The following NOS1 variants were observed in gnomAD, a reference collection of about 807,000 sequenced individuals.
The protein encoded by NOS1 is NOS type I.
In NOS1, 51 loss-of-function variants were observed where a neutral mutation model predicts 164.5. That is an observed-to-expected ratio of 0.31 (90% confidence interval 0.25 to 0.39). The LOEUF (loss-of-function observed/expected upper bound fraction) is 0.39, where lower values mean the gene tolerates loss of function less well. Among genes scored for constraint, NOS1 ranks in the 10% least tolerant of loss-of-function variants. NOS1 has a pLI of 1.00. For missense variants in NOS1, 1,362 were observed against 1,885.6 expected (o/e 0.72, Z 5.14); for synonymous variants, 719 against 745.8 (o/e 0.96, Z 0.59).
chr12:117,318,533 C>A (rs189866406), intron 2 of NOS1, among the ~76,000 whole-genome samples: 17 of 152,328 alleles, frequency 1.1e-4, no homozygotes, highest in Non-Finnish European at 2.2e-4. Flanking sequence ...GTTGCTCTTG[C>A]ATCTCTAAAC....
intron 22 of NOS1, among the ~76,000 whole-genome samples, chr12:117,230,950 T>C (rs1380684697): frequency 6.6e-6 from 1 of 152,102 alleles, no homozygotes; most frequent in Non-Finnish European, 1.5e-5. Flanking sequence ...GAAGGAGGGC[T>C]ACAAGATGCA....
rs568478335 is a variant in NOS1 at position 117,221,600 on chromosome 12, A to T, written c.3975+1115T>A. Among the ~76,000 whole-genome samples the T allele has an allele frequency of 3.3e-5, 5 of 149,684 alleles. No individual in the cohort carries two copies. The South Asian group carries it at 1.1e-3, about 32-fold the overall frequency. On this transcript the variant is annotated intron_variant, in intron 26 of 28. Transcript: ENST00000317775. ...CACCCGGCCTAAATTTGTTTTTTTT[A>T]ATTTCTGTTTTTAAATATTTTTAAT...
At chr12:117,288,252 G>T (rs761552085) in intron 4 of NOS1, 33 bp from the exon 5 acceptor site, 3 of 1,596,204 alleles carry the variant, frequency 1.9e-6, no homozygotes, top group Non-Finnish European at 2.6e-6. Flanking sequence ...GTATTGCTTG[G>T]TTTTACCCAA....
In NOS1 at chr12:117,286,245, C is replaced by T. The variant is rs868365618; in HGVS notation, c.1149G>A (p.Met383Ile). Residue 383 changes from methionine (M) to isoleucine (I), a missense_variant, in exon 6 of 29, where the codon ATG (methionine) becomes ATA (isoleucine). This residue lies in a region of NOS1 where 129 missense variants were observed against 186.0 expected (regional missense o/e 0.69). Transcript: ENST00000317775. Reference protein sequence around the residue: ...SIKRFGSKAHMERLEEVNKEI... With the variant: ...SIKRFGSKAHIERLEEVNKEI... ...CTTTGTTCACCTCTTCCAGCCTTTC[C>T]ATGTGGGCTTTGGAGCCAAATCTGA... The T allele has an allele frequency of 2.5e-6, 4 of 1,614,172 alleles. No homozygotes were observed. Among genetic ancestry groups the T allele is most frequent in the Non-Finnish European group, 3.4e-6 (4 of 1,180,036 alleles).
intron 2 of NOS1, among the ~76,000 whole-genome samples, chr12:117,327,707 A>G (rs1875324278): frequency 6.6e-6 from 1 of 152,222 alleles, no homozygotes; most frequent in African/African-American, 2.4e-5. Flanking sequence ...TATTCGGTCC[A>G]AGACTTTTGG....
chr12:117,265,424 G>A lies in NOS1; in HGVS notation c.2028C>T (p.Gly676=). ...HMENEYRCRG[G]CPADWVWIVP... The stretch of plus-strand genomic sequence containing the variant: ...CGATCCACACCCAGTCGGCAGGGCA[G>A]CCCCCCCGGCAGCGGTACTCATTCT... The change falls in exon 12 of 29, where the codon GGC becomes GGT. Residue 676 remains glycine (G), a synonymous_variant. Coordinates refer to ENST00000317775, the MANE Select transcript of NOS1 (RefSeq NM_000620.5). 6.3e-7 allele frequency: 1 copy of A among 1,592,242 alleles called. No individual in the cohort carries two copies. Among genetic ancestry groups the A allele is most frequent in the Non-Finnish European group, 8.5e-7 (1 of 1,169,864 alleles).
chr12:117,279,350 A>G (rs1873441213), intron 8 of NOS1, among the ~76,000 whole-genome samples: 1 of 152,102 alleles, frequency 6.6e-6, no homozygotes, highest in Admixed American at 6.5e-5. Context: ...GCCTGGCAAC[A>G]GAGTGAGACT....
intron 4 of NOS1, among the ~76,000 whole-genome samples, chr12:117,288,469 G>C (rs1872850508): frequency 6.6e-6 from 1 of 152,134 alleles, no homozygotes; most frequent in Non-Finnish European, 1.5e-5. Flanking sequence ...TTTTGACTAG[G>C]AATCAGAATC....
chr12:117,361,132 G>C (rs1367231129), intron 1 of NOS1, among the ~76,000 whole-genome samples: 1 of 152,066 alleles, frequency 6.6e-6, no homozygotes, highest in Non-Finnish European at 1.5e-5. Flanking sequence ...CTCACCTGAC[G>C]CCGAGCCGGG....
intron 20 of NOS1, among the ~76,000 whole-genome samples, chr12:117,235,588 A>G (rs1405853694): frequency 2.6e-5 from 4 of 152,196 alleles, no homozygotes; most frequent in Non-Finnish European, 1.5e-5. Flanking sequence ...ATATTACAAA[A>G]TTGAGAGATC....
chr12:117,229,742 C>T (rs772132211), intron 22 of NOS1, among the ~76,000 whole-genome samples: 7 of 152,176 alleles, frequency 4.6e-5, no homozygotes, highest in Non-Finnish European at 8.8e-5. Flanking sequence ...GTGCCCACCA[C>T]CACACCAAGC....
Position 117,209,304 on chromosome 12 carries a change from G to T in NOS1, c.*6005C>A, listed in dbSNP as rs899673371. On this transcript the variant is annotated 3_prime_UTR_variant, in exon 29 of 29. Coordinates refer to ENST00000317775, the MANE Select transcript of NOS1 (RefSeq NM_000620.5). ...AGGACACTGCTACAGGTATCTTGTG[G>T]ATGGAGGCCAGGAATGCTGCTCAGC... The T allele has an allele frequency of 2.2e-5, 21 of 955,650 alleles. 1 individual carries two copies. The highest frequency in any genetic ancestry group is 4.8e-5 in the South Asian group (1 of 20,716). The allele number at this position is 955,650 out of a possible 1,614,324, so 59.2% of individuals were successfully genotyped here. A position where few individuals can be genotyped will look rare whatever the true frequency, so the allele number is the denominator to read the frequency against.
intron 13 of NOS1, among the ~76,000 whole-genome samples, chr12:117,262,864 G>A (rs1872051280): frequency 6.6e-6 from 1 of 152,076 alleles, no homozygotes; most frequent in Admixed American, 6.6e-5. Context: ...GCATTCTTCA[G>A]GAAAATCACT....
intron 2 of NOS1, among the ~76,000 whole-genome samples, chr12:117,328,808 A>C (rs1249960017): frequency 6.6e-6 from 1 of 152,236 alleles, no homozygotes; most frequent in Non-Finnish European, 1.5e-5. Context: ...ACGGGGACAC[A>C]TTCTGTGAAA....
intron 16 of NOS1, among the ~76,000 whole-genome samples, chr12:117,256,909 TA>T (rs1326857809): frequency 6.6e-6 from 1 of 151,854 alleles, no homozygotes; most frequent in African/African-American, 2.4e-5. Flanking sequence ...CTGTCTCTAC[TA>T]AAAATACAAA....
intron 17 of NOS1, among the ~76,000 whole-genome samples, chr12:117,251,403 G>C (rs990448128): frequency 6.6e-6 from 1 of 152,020 alleles, no homozygotes; most frequent in East Asian, 1.9e-4. Context: ...TGAGGACCTA[G>C]ACTACAGTTA....
At chr12:117,348,014 T>G (rs1256029463) in intron 1 of NOS1, 2 of 137,880 alleles carry the variant, frequency 1.5e-5, no homozygotes, top group Non-Finnish European at 3.1e-5. Context: ...CCAGATCCCC[T>G]ACATTTTTTT....
chr12:117,263,861 C>A (rs760307170), intron 13 of NOS1, 28 bp downstream of exon 13: 6 of 1,580,468 alleles, frequency 3.8e-6, no homozygotes, highest in African/African-American at 1.3e-5. Flanking sequence ...GGGACATCCA[C>A]CCCACCCGCC....
chr12:117,293,456 A>C (rs543174096), intron 3 of NOS1, among the ~76,000 whole-genome samples: 2 of 151,002 alleles, frequency 1.3e-5, no homozygotes, highest in Non-Finnish European at 3.0e-5. Flanking sequence ...GAATCCATTC[A>C]CTCCTCTCCC....
Sources: gnomAD v4.1 joint callset for allele counts (sites outside exome capture counted in the v4.1 genomes callset) on GRCh38, gnomAD v4.1.1 for gene constraint, gnomAD v4.1.1 regional missense constraint, MANE v1.5 for transcripts, NCBI Gene and HGNC (gene_info 2026-07-23, HGNC 2026-07-21) for gene names.